Variants in LONRF1 observed in about 807,000 individuals in gnomAD.
The protein encoded by LONRF1 is LON peptidase N-terminal domain and ring finger 1, also known as LON peptidase N-terminal domain and RING finger protein 1.
In LONRF1, 37 loss-of-function variants were observed where a neutral mutation model predicts 85.8. The ratio of observed to expected loss-of-function variants is 0.43; its 90% CI spans 0.33 to 0.57. LONRF1 has a LOEUF of 0.57. Among genes scored for constraint, LONRF1 ranks in the 20% least tolerant of loss-of-function variants. The pLI is 0.04. For missense variants in LONRF1, 1,036 were observed against 978.0 expected (o/e 1.06, Z -0.79); for synonymous variants, 517 against 390.1 (o/e 1.33, Z -3.83).
chr8:12,723,677 CTGTGACAGCCAAAAATGTCTCCAGG>C lies in LONRF1; in HGVS notation c.2164-448_2164-424del, dbSNP rs1176118264. Among the ~76,000 whole-genome samples, 6 of 152,360 alleles carry C rather than the reference CTGTGACAGCCAAAAATGTCTCCAGG, an allele frequency of 3.9e-5. No homozygotes were observed. The East Asian group carries it at 1.2e-3, about 29-fold the overall frequency. On this transcript the variant is annotated intron_variant, in intron 11 of 11. Transcript: ENST00000398246. ...ATGCCAGTAGCACCTTCCCATCCAG[CTGTGACAGCCAAAAATGTCTCCAGG>C]TAATGCCAAATATCCTGTGGGGGCA...
In LONRF1 at chr8:12,755,355, C is replaced by T. The variant is rs1359565285; in HGVS notation, c.66G>A (p.Gln22=). 1 of 1,224,238 alleles carries T rather than the reference C, an allele frequency of 8.2e-7. No homozygotes were observed. Among genetic ancestry groups the T allele is most frequent in the Non-Finnish European group, 1.0e-6 (1 of 979,848 alleles). The allele number at this position is 1,224,238 out of a possible 1,614,324, so 75.8% of individuals were successfully genotyped here. ...GGSREMAPAP[Q]GRGRFWEVGG... is the part of the protein sequence containing the mutation. Reference sequence around the variant, plus strand: ...CCACTTCCCAGAACCGGCCTCGGCCCTGCGGCGCTGGGGCCATCTCCCGAC... The same window carrying T: ...CCACTTCCCAGAACCGGCCTCGGCCTTGCGGCGCTGGGGCCATCTCCCGAC... The change falls in exon 1 of 12, where the codon CAG becomes CAA. Residue 22 remains glutamine (Q), a synonymous_variant. Transcript: ENST00000398246.
intron 6 of LONRF1, among the ~76,000 whole-genome samples, chr8:12,736,178 A>G (rs1585235966): frequency 6.6e-6 from 1 of 152,164 alleles, no homozygotes; most frequent in East Asian, 1.9e-4. Flanking sequence ...TTTTGATCCT[A>G]CACAATTCAT....
chr8:12,725,542 G>A (rs963522573), intron 11 of LONRF1, among the ~76,000 whole-genome samples, 185 bp downstream of exon 11: 2 of 152,152 alleles, frequency 1.3e-5, no homozygotes, highest in South Asian at 2.1e-4. Context: ...CTATCTGTAC[G>A]GAATGTAGTG....
intron 11 of LONRF1, among the ~76,000 whole-genome samples, chr8:12,723,748 C>G (rs1383876749): frequency 1.3e-5 from 2 of 152,200 alleles, no homozygotes. Context: ...AGTTGACAGC[C>G]ACTTTCTTGA....
intron 1 of LONRF1, among the ~76,000 whole-genome samples, chr8:12,745,608 C>T (rs1008255202): frequency 2.0e-5 from 3 of 152,222 alleles, no homozygotes; most frequent in African/African-American, 7.2e-5. Flanking sequence ...ACAGACGAGT[C>T]ACCTCACTGC....
chr8:12,745,698 T>C (rs568008831), intron 1 of LONRF1, among the ~76,000 whole-genome samples: 10 of 152,236 alleles, frequency 6.6e-5, no homozygotes, highest in East Asian at 1.9e-4. Flanking sequence ...TGGCATATTA[T>C]GTATTTTCCA....
chr8:12,748,126 A>G (rs1344963813), intron 1 of LONRF1, among the ~76,000 whole-genome samples: 3 of 152,206 alleles, frequency 2.0e-5, no homozygotes, highest in African/African-American at 4.8e-5. Flanking sequence ...AAAGTATAAC[A>G]AACGTCTATC....
chr8:12,743,248 C>T lies in LONRF1; in HGVS notation c.756G>A (p.Ala252=), dbSNP rs191371768. The part of the protein sequence containing the change: ...PSDLIVKIYR[A]ESYAGLQEFK... ...ACTCTTGGAGACCAGCATATGATTC[C>T]GCTCTGTAAATTTTTACAATCAAGT... Residue 252 remains alanine (A), a synonymous_variant, in exon 2 of 12, where the codon GCG becomes GCA. Transcript: ENST00000398246. The T allele has an allele frequency of 2.6e-3, 4,142 of 1,611,310 alleles. 19 individuals are homozygous for T. Among genetic ancestry groups the T allele is most frequent in the Non-Finnish European group, 2.4e-3 (2,881 of 1,178,334 alleles).
chr8:12,748,134 A>G (rs1211413803), intron 1 of LONRF1, among the ~76,000 whole-genome samples: 1 of 152,196 alleles, frequency 6.6e-6, no homozygotes, highest in Non-Finnish European at 1.5e-5. Flanking sequence ...ACAAACGTCT[A>G]TCTTTATGTA....
chr8:12,741,162 T>C (rs1198752237), intron 2 of LONRF1, among the ~76,000 whole-genome samples, 166 bp from the exon 3 acceptor site: 1 of 152,132 alleles, frequency 6.6e-6, no homozygotes, highest in Non-Finnish European at 1.5e-5. Flanking sequence ...CAAAGGTGGA[T>C]CACTTGAGTT....
chr8:12,736,727 T>C lies in LONRF1; in HGVS notation c.1425A>G (p.Ser475=), dbSNP rs762348319. The C allele has an allele frequency of 2.5e-6, 4 of 1,610,960 alleles. No homozygotes were observed. Among genetic ancestry groups the C allele is most frequent in the Non-Finnish European group, 3.4e-6 (4 of 1,178,572 alleles). Residue 475 remains serine (S), a synonymous_variant, in exon 6 of 12, where the codon TCA becomes TCG. Transcript: ENST00000398246. ...TCATGCAGAGAGAACACTCGAAATC[T>C]GAGACATCGATTAATTCTTCTGGAA... is the stretch of plus-strand genomic sequence containing the variant. ...GDIPEELIDV[S]DFECSLCMRL...
Position 12,755,177 on chromosome 8 carries a change from T to A in LONRF1, c.244A>T (p.Arg82Trp). 1 of 1,316,960 alleles carries A rather than the reference T, an allele frequency of 7.6e-7. No individual in the cohort carries two copies. The highest frequency in any genetic ancestry group is 9.6e-7 in the Non-Finnish European group (1 of 1,039,982). 81.6% of individuals were successfully genotyped at this position (1,316,960 alleles called of 1,614,324 possible). ...AAALRRGAPA[R>W]PECLGALVDC... is the part of the protein sequence containing the mutation. ...ACCAGGGCGCCCAGGCACTCGGGCC[T>A]GGCCGGGGCCCCGCGGCGCAGCGCC... Residue 82 changes from arginine (R) to tryptophan (W), a missense_variant, in exon 1 of 12, where the codon AGG becomes TGG. Physicochemically the swap from Arg to Trp is moderately radical, Grantham distance 101. Coordinates refer to ENST00000398246, the MANE Select transcript of LONRF1 (RefSeq NM_152271.5).
intron 2 of LONRF1, 134 bp from the exon 3 acceptor site, chr8:12,741,130 TC>T: frequency 1.2e-6 from 1 of 863,788 alleles, no homozygotes; most frequent in Non-Finnish European, 1.8e-6. Flanking sequence ...ACGCCTGTAA[TC>T]CCAGCACTTT....
rs944187694 is a variant in LONRF1, at chr8:12,722,266, G to A, written c.*830C>T. The A allele has an allele frequency of 3.9e-5, 6 of 152,436 alleles. No homozygotes were observed. The highest frequency in any genetic ancestry group is 8.8e-5 in the Non-Finnish European group (6 of 68,008). The allele number at this position is 152,436 out of a possible 1,614,324, so 9.4% of individuals were successfully genotyped here. ...GTCAAACTATAAATTACACAAATGG[G>A]CAGTTAATGTGAAAAGCCCCCTAAA... On this transcript the variant is annotated 3_prime_UTR_variant, in exon 12 of 12. Coordinates refer to ENST00000398246, the MANE Select transcript of LONRF1 (RefSeq NM_152271.5).
At position 12,731,781 on chromosome 8, in the gene LONRF1, G is replaced by C; in HGVS notation, c.1643C>G (p.Ser548Cys). 2 of 1,612,710 alleles carry C rather than the reference G, an allele frequency of 1.2e-6. No individual in the cohort carries two copies. The highest frequency in any genetic ancestry group is 2.2e-5 in the South Asian group (2 of 90,916). ...TTCATCATATATTTTTTTTCTCTCA[G>C]ACAGTTCATCAGGCAGATACTTCAC... ...LIVKYLPDEL[S>C]ERKKIYDEET... Residue 548 changes from serine to cysteine, a missense_variant, in exon 8 of 12, where the codon TCT (serine) becomes TGT (cysteine). Coordinates refer to ENST00000398246, the MANE Select transcript of LONRF1 (RefSeq NM_152271.5).
intron 11 of LONRF1, among the ~76,000 whole-genome samples, chr8:12,723,516 C>G (rs1030958694): frequency 6.6e-6 from 1 of 152,234 alleles, no homozygotes; most frequent in Non-Finnish European, 1.5e-5. Context: ...TCAACACACG[C>G]TCTTTCCTCC....
intron 8 of LONRF1, 28 bp from the exon 9 acceptor site, chr8:12,729,360 A>G (rs374801635): frequency 1.1e-5 from 17 of 1,604,886 alleles, no homozygotes; most frequent in South Asian, 1.0e-4. Flanking sequence ...TAATTATTAG[A>G]ATTCATACAA....
chr8:12,740,937 T>G lies in LONRF1; in HGVS notation c.900A>C (p.Gln300His). 6.2e-7 allele frequency: 1 copy of G among 1,613,474 alleles called. No individual in the cohort carries two copies. Among genetic ancestry groups the G allele is most frequent in the Non-Finnish European group, 8.5e-7 (1 of 1,179,628 alleles). Residue 300 changes from glutamine to histidine, a missense_variant, in exon 3 of 12, where the codon CAA becomes CAC. By Grantham distance (24) the Gln-to-His change is conservative (BLOSUM62 0). This residue lies in a region of LONRF1 where 742 missense variants were observed against 614.4 expected (regional missense o/e 1.21). Coordinates refer to ENST00000398246, the MANE Select transcript of LONRF1 (RefSeq NM_152271.5). ...CAAGGGCTAAGCACTGAAGAAAGAG[T>G]TGTAAGGCATCACCTAAAAAACCAG... Reference protein sequence around the residue: ...CDAGFLGDALQLFLQCLALDE... With the variant: ...CDAGFLGDALHLFLQCLALDE...
intron 1 of LONRF1, chr8:12,753,405 C>G (rs1484431511): frequency 6.6e-6 from 1 of 152,212 alleles, no homozygotes; most frequent in African/African-American, 2.4e-5. Flanking sequence ...ATTCCCCTAT[C>G]ATTTCATGCC....
Sources: allele counts gnomAD v4.1 joint callset (sites outside exome capture counted in the v4.1 genomes callset), GRCh38; gene constraint gnomAD v4.1.1; regional missense constraint gnomAD v4.1.1; transcripts MANE v1.5; gene names NCBI Gene and HGNC (gene_info 2026-07-23, HGNC 2026-07-21).